SNX25: variants seen among roughly 807,000 people sequenced by gnomAD.
The protein encoded by SNX25 is sorting nexin-25.
A neutral mutation model predicts 113.7 loss-of-function variants in SNX25; 62 were observed. The observed-to-expected ratio is 0.55, with a 90% CI of 0.44 to 0.67. The LOEUF is 0.67. Among genes scored for constraint, SNX25 ranks in the 30% least tolerant of loss-of-function variants. The pLI, the probability that SNX25 is intolerant of heterozygous loss-of-function variation, is 0.00. For synonymous variants in SNX25, 421 were observed against 436.2 expected (o/e 0.97, Z 0.43); for missense variants, 1,014 against 1,161.0 (o/e 0.87, Z 1.84).
At chr4:185,368,942 C>T (rs2095403743), downstream of SNX25, among the ~76,000 whole-genome samples, 3 of 151,502 alleles carry the variant, frequency 2.0e-5, no homozygotes, top group East Asian at 2.0e-4. Context: ...TATGGACATG[C>T]GTTACCATGA....
intron 11 of SNX25, 140 bp downstream of exon 11, chr4:185,339,650 C>T (rs991225049): frequency 2.7e-6 from 3 of 1,111,104 alleles, no homozygotes; most frequent in Non-Finnish European, 3.7e-6. Context: ...CTTCCTTCCC[C>T]CACAATTTTC....
intron 1 of SNX25, among the ~76,000 whole-genome samples, chr4:185,238,837 C>T (rs1434171098): frequency 1.3e-5 from 2 of 152,124 alleles, no homozygotes; most frequent in African/African-American, 4.8e-5. Flanking sequence ...TTTGAGAAGA[C>T]CAGGTAATAG....
chr4:185,227,146 G>GA (rs1385293613), intron 1 of SNX25, among the ~76,000 whole-genome samples: 1 of 152,280 alleles, frequency 6.6e-6, no homozygotes, highest in Non-Finnish European at 1.5e-5. Context: ...AATGTGCTCA[G>GA]AAATGCTTCT....
chr4:185,311,854 C>A (rs1286876033), intron 7 of SNX25, among the ~76,000 whole-genome samples: 3 of 152,308 alleles, frequency 2.0e-5, no homozygotes, highest in Middle Eastern at 3.4e-3. Context: ...CGCCAGGGTT[C>A]TACAGCATCT....
chr4:185,307,689 G>T (rs1754658849), intron 6 of SNX25, among the ~76,000 whole-genome samples: 1 of 152,214 alleles, frequency 6.6e-6, no homozygotes, highest in Non-Finnish European at 1.5e-5. Context: ...TACAGTGGAG[G>T]AGGTAGCCTT....
intron 16 of SNX25, among the ~76,000 whole-genome samples, chr4:185,360,108 G>A (rs2095355201): frequency 6.6e-6 from 1 of 152,228 alleles, no homozygotes; most frequent in South Asian, 2.1e-4. Flanking sequence ...ATCTAAATCA[G>A]TAGAAAATAA....
chr4:185,346,323 G>A (rs546453624), intron 12 of SNX25, among the ~76,000 whole-genome samples: 47 of 152,248 alleles, frequency 3.1e-4, no homozygotes, highest in Middle Eastern at 3.4e-3. Context: ...CCCAGCTCCC[G>A]GGGATCTGTA....
At chr4:185,371,375 T>C (rs1430072337), downstream of SNX25, among the ~76,000 whole-genome samples, 6 of 151,570 alleles carry the variant, frequency 4.0e-5, no homozygotes, top group African/African-American at 1.5e-4. Context: ...CCGTCTCTAC[T>C]AAAAAAGATA....
chr4:185,209,782 C>G lies in SNX25; in HGVS notation c.-45C>G. ...TGCCTCCGGAGCGCCGGCGGGGGAC[C>G]GGGGGGCAGGAGATGTGCCTGTCCT... On this transcript the variant is annotated 5_prime_UTR_variant, in exon 1 of 19. Coordinates refer to ENST00000652585, the MANE Select transcript of SNX25 (RefSeq NM_001378034.2). The surrounding 1 kb of genome is among the most constrained non-coding windows in gnomAD (Gnocchi z 5.2). 1.0e-6 allele frequency: 1 copy of G among 983,670 alleles called. No homozygotes were observed. The highest frequency in any genetic ancestry group is 1.2e-6 in the Non-Finnish European group (1 of 829,280). The allele number at this position is 983,670 out of a possible 1,614,324, so 60.9% of individuals were successfully genotyped here. A position where few individuals can be genotyped will look rare whatever the true frequency, so the allele number is the denominator to read the frequency against.
chr4:185,339,160 T>C (rs748478546), intron 10 of SNX25, among the ~76,000 whole-genome samples: 5 of 152,216 alleles, frequency 3.3e-5, no homozygotes, highest in African/African-American at 1.2e-4. Context: ...GTAGTTTTCA[T>C]TGTAGAATTA....
At chr4:185,365,730 GATTAAGTGT>G (rs1182610026), downstream of SNX25, 4 of 151,188 alleles carry the variant, frequency 2.6e-5, no homozygotes, top group Non-Finnish European at 5.9e-5. Context: ...TTAGGAACTG[GATTAAGTGT>G]GGAGAAGAGA....
chr4:185,341,910 C>T lies in SNX25; in HGVS notation c.2047-66C>T, dbSNP rs1383071579. The stretch of plus-strand genomic sequence containing the variant: ...GGAAATCTCCTTAGGGGGACACTTA[C>T]AGATCTTCCTTCTGCATCCATTCAC... On this transcript the variant is annotated intron_variant, in intron 11 of 18. Transcript: ENST00000652585. The T allele has an allele frequency of 4.0e-6, 6 of 1,513,946 alleles. No individual in the cohort carries two copies. The African/African-American group carries it at 7.0e-5, about 18-fold the overall frequency. The allele number at this position is 1,513,946 out of a possible 1,614,324, so 93.8% of individuals were successfully genotyped here. A position where few individuals can be genotyped will look rare whatever the true frequency, so the allele number is the denominator to read the frequency against.
chr4:185,263,009 C>G (rs3112858), intron 3 of SNX25, among the ~76,000 whole-genome samples: 6,498 of 152,262 alleles, frequency 0.043, 462 homozygotes, highest in African/African-American at 0.14. Flanking sequence ...AGGGAGAGAT[C>G]TGCCATTCCT....
chr4:185,359,625 C>G (rs1317799938), intron 16 of SNX25, among the ~76,000 whole-genome samples: 6 of 152,142 alleles, frequency 3.9e-5, no homozygotes, highest in Non-Finnish European at 8.8e-5. Flanking sequence ...AAAACCCCAT[C>G]TCTACTAAAA....
intron 15 of SNX25, among the ~76,000 whole-genome samples, chr4:185,354,995 C>G (rs2095332890): frequency 6.6e-6 from 1 of 152,248 alleles, no homozygotes; most frequent in Non-Finnish European, 1.5e-5. Flanking sequence ...TCCCTTGAGA[C>G]AAAGGAGTAG....
intron 1 of SNX25, among the ~76,000 whole-genome samples, chr4:185,238,818 AC>A (rs1362339723): frequency 6.6e-6 from 1 of 152,216 alleles, no homozygotes; most frequent in Non-Finnish European, 1.5e-5. Context: ...GGTGAGAGAC[AC>A]TTGTTTATTT....
rs33968295 is a variant in SNX25, at chr4:185,220,484, C to CTTT, written c.429+10243_429+10245dup. On this transcript the variant is annotated intron_variant, in intron 1 of 18. Transcript: ENST00000652585. ...AAAGTCAGGTCCCACAACTGAGTCCCTTTTTTTTTTTTTTTTGAGATGGAG... is the reference window on the plus strand; with the variant it reads ...AAAGTCAGGTCCCACAACTGAGTCCCTTTTTTTTTTTTTTTTTTTGAGATGGAG... 4.5e-3 allele frequency among the ~76,000 whole-genome samples: 597 copies of CTTT among 131,842 alleles called. 5 individuals are homozygous for CTTT. Among genetic ancestry groups the CTTT allele is most frequent in the Middle Eastern group, 0.019 (5 of 260 alleles). 86.5% of individuals were successfully genotyped at this position (131,842 alleles called of 152,430 possible). A position where few individuals can be genotyped will look rare whatever the true frequency, so the allele number is the denominator to read the frequency against.
chr4:185,271,278 C>G (rs923676987), intron 5 of SNX25, among the ~76,000 whole-genome samples: 2 of 152,144 alleles, frequency 1.3e-5, no homozygotes, highest in Admixed American at 6.5e-5. Flanking sequence ...TGACAGGTGA[C>G]TAGTCTATTA....
intron 16 of SNX25, 101 bp from the exon 17 acceptor site, chr4:185,361,823 A>G: frequency 6.3e-6 from 6 of 955,408 alleles, no homozygotes; most frequent in Non-Finnish European, 9.1e-6. Context: ...TCAAACACTT[A>G]GATCAGGCTG....
Sources: gnomAD v4.1 joint callset for allele counts (sites outside exome capture counted in the v4.1 genomes callset) on GRCh38, gnomAD v4.1.1 for gene constraint, Gnocchi (gnomAD v3.1) non-coding constraint, MANE v1.5 for transcripts, NCBI Gene and HGNC (gene_info 2026-07-23, HGNC 2026-07-21) for gene names.